Variants in TSPAN15 observed in about 807,000 individuals in gnomAD.
TSPAN15 encodes tetraspanin-15.
A neutral mutation model predicts 34.5 loss-of-function variants in TSPAN15; 20 were observed. The observed-to-expected ratio is 0.58, with a 90% CI of 0.41 to 0.84. The LOEUF (loss-of-function observed/expected upper bound fraction) is 0.84, where lower values mean the gene tolerates loss of function less well. Among genes scored for constraint, TSPAN15 ranks in the 40% least tolerant of loss-of-function variants. The pLI, the probability that TSPAN15 is intolerant of heterozygous loss-of-function variation, is 0.00. For synonymous variants in TSPAN15, 155 were observed against 153.9 expected, an observed-to-expected ratio of 1.01 and a Z score of -0.05; for missense variants, 313 against 386.1, an observed-to-expected ratio of 0.81 and a Z score of 1.59.
the TSPAN15 span, among the ~76,000 whole-genome samples, chr10:69,521,066 C>T: frequency 6.6e-6 from 1 of 152,040 alleles, no homozygotes; most frequent in African/African-American, 2.4e-5. Context: ...TGAGGGCTGC[C>T]CAGATAGCTG....
downstream of TSPAN15, among the ~76,000 whole-genome samples, chr10:69,509,975 A>G (rs1031998200): frequency 6.6e-6 from 1 of 152,190 alleles, no homozygotes. Context: ...TGTTTTGGTT[A>G]CTGTGGCCTT....
At chr10:69,492,166 G>A in intron 3 of TSPAN15, among the ~76,000 whole-genome samples, 1 of 152,170 alleles carries the variant, frequency 6.6e-6, no homozygotes, top group East Asian at 1.9e-4. Flanking sequence ...GGAATGGGGT[G>A]GGGGCAGTGG....
intron 1 of TSPAN15, among the ~76,000 whole-genome samples, chr10:69,469,013 G>A (rs1243984366): frequency 1.0e-5 from 1 of 98,524 alleles, no homozygotes; most frequent in Non-Finnish European, 2.2e-5. Context: ...GCCTTAGGAT[G>A]GGGCGAATCA....
intron 3 of TSPAN15, among the ~76,000 whole-genome samples, chr10:69,487,225 A>G (rs951415381): frequency 3.9e-5 from 6 of 152,204 alleles, no homozygotes; most frequent in Non-Finnish European, 7.3e-5. Context: ...TGACAGTCAG[A>G]CTGAAGTGGC....
chr10:69,477,352 C>T (rs1326142487), intron 1 of TSPAN15, among the ~76,000 whole-genome samples: 1 of 152,148 alleles, frequency 6.6e-6, no homozygotes, highest in African/African-American at 2.4e-5. Flanking sequence ...GCAGGCTGGT[C>T]TCGAACTCCC....
chr10:69,451,796 G>A (rs1270320394), intron 1 of TSPAN15, 106 bp downstream of exon 1: 5 of 859,042 alleles, frequency 5.8e-6, no homozygotes, highest in Non-Finnish European at 8.0e-6. Context: ...CAGGGAGTGC[G>A]CGGGTGAGCG....
intron 1 of TSPAN15, among the ~76,000 whole-genome samples, chr10:69,452,643 G>A (rs773782560): frequency 2.4e-4 from 36 of 152,220 alleles, no homozygotes; most frequent in South Asian, 2.1e-4. Context: ...GACACCTGTG[G>A]TGTAAGCTGC....
At chr10:69,525,123 G>T in the TSPAN15 span, among the ~76,000 whole-genome samples, 2 of 146,890 alleles carry the variant, frequency 1.4e-5, no homozygotes, top group African/African-American at 4.9e-5. Flanking sequence ...TAGCTCTGTT[G>T]TCCAGGCTGT....
chr10:69,471,484 G>T (rs1304251551), intron 1 of TSPAN15, among the ~76,000 whole-genome samples: 1 of 152,106 alleles, frequency 6.6e-6, no homozygotes, highest in Admixed American at 6.6e-5. Context: ...CAGTTTTTGT[G>T]TCTTTTGGGG....
Position 69,507,490 on chromosome 10 carries a change from G to A in TSPAN15, c.*512G>A, listed in dbSNP as rs1467038785. 1 of 1,304,422 alleles carries A rather than the reference G, an allele frequency of 7.7e-7. No homozygotes were observed. Among genetic ancestry groups the A allele is most frequent in the African/African-American group, 1.5e-5 (1 of 65,814 alleles). The allele number at this position is 1,304,422 out of a possible 1,614,324, so 80.8% of individuals were successfully genotyped here. ...CAGGTGCCTTGAGCCCTCTTGCAAG[G>A]GCGGCTGCTTCCTTGAGCCTAGTTT... On this transcript the variant is annotated 3_prime_UTR_variant, in exon 8 of 8. Coordinates refer to ENST00000373290, the MANE Select transcript of TSPAN15 (RefSeq NM_012339.5).
Position 69,478,602 on chromosome 10 carries a change from G to C in TSPAN15, c.97-5089G>C, listed in dbSNP as rs76363698. Among the ~76,000 whole-genome samples, 696 of 152,186 alleles carry C rather than the reference G, an allele frequency of 4.6e-3. 12 individuals carry two copies. The East Asian group carries it at 0.077, about 17-fold the overall frequency. On this transcript the variant is annotated intron_variant, in intron 1 of 7. Transcript: ENST00000373290. ...GATATTTGCTTCCTGTAGACCAGGG[G>C]TTCTTTTTTTGTGCCAGGGACCCTT...
rs569282504 is a variant in TSPAN15 at position 69,459,585 on chromosome 10, C to T, written c.96+7895C>T. On this transcript the variant is annotated intron_variant, in intron 1 of 7. Transcript: ENST00000373290. ...TGAGTTCAAAGTCCCTGAGGCAGGT[C>T]GCAAGCATGGCTACAGCAGATGAGG... 2.3e-4 allele frequency among the ~76,000 whole-genome samples: 35 copies of T among 152,180 alleles called. 2 individuals carry two copies. The highest frequency in any genetic ancestry group is 2.0e-3 in the Admixed American group (31 of 15,296).
chr10:69,548,985 A>G, the TSPAN15 span, among the ~76,000 whole-genome samples: 1 of 151,254 alleles, frequency 6.6e-6, no homozygotes, highest in South Asian at 2.1e-4. Context: ...GCTTAAAAAC[A>G]AGCTTTAAAA....
At chr10:69,513,101 T>G in the TSPAN15 span, among the ~76,000 whole-genome samples, 2,518 of 152,346 alleles carry the variant, frequency 0.017, 76 homozygotes, top group African/African-American at 0.057. Flanking sequence ...GCAGTTGGTA[T>G]GGCCAGTTTT....
intron 5 of TSPAN15, among the ~76,000 whole-genome samples, chr10:69,502,701 G>A (rs1350940798): frequency 6.6e-6 from 1 of 152,096 alleles, no homozygotes; most frequent in Non-Finnish European, 1.5e-5. Context: ...CCCTTGGTGA[G>A]GGGCTCTCCT....
At chr10:69,541,965 C>T in the TSPAN15 span, among the ~76,000 whole-genome samples, 190 of 152,332 alleles carry the variant, frequency 1.2e-3, 3 homozygotes, top group Non-Finnish European at 1.5e-3. Context: ...ACATTCGGTT[C>T]CTCGTTACTT....
the TSPAN15 span, among the ~76,000 whole-genome samples, chr10:69,540,393 C>T: frequency 6.6e-6 from 1 of 152,224 alleles, no homozygotes; most frequent in Admixed American, 6.5e-5. Flanking sequence ...CCATGCACAG[C>T]TTAAAATCCT....
chr10:69,507,289 AT>A lies in TSPAN15; in HGVS notation c.*314del. Reference sequence around the variant, plus strand: ...GAGCCTGAGGCTCTGCTCAGGGCCCATTTCATCTCTGGCAGTGCCTTGGCGG... The same window carrying A: ...GAGCCTGAGGCTCTGCTCAGGGCCCATTCATCTCTGGCAGTGCCTTGGCGG... On this transcript the variant is annotated 3_prime_UTR_variant, in exon 8 of 8. Coordinates refer to ENST00000373290, the MANE Select transcript of TSPAN15 (RefSeq NM_012339.5). 1 of 1,298,866 alleles carries A rather than the reference AT, an allele frequency of 7.7e-7. No homozygotes were observed. The highest frequency in any genetic ancestry group is 9.8e-7 in the Non-Finnish European group (1 of 1,016,476). The allele number at this position is 1,298,866 out of a possible 1,614,324, so 80.5% of individuals were successfully genotyped here.
chr10:69,539,446 AAGAAGAAGAAGAAGAAGG>A, the TSPAN15 span, among the ~76,000 whole-genome samples: 54 of 36,684 alleles, frequency 1.5e-3, no homozygotes, highest in South Asian at 0.039. Context: ...AAGAAGGAAG[AAGAAGAAGAAGAAGAAGG>A]AGAAGGAGAA....
Sources: allele counts gnomAD v4.1 joint callset (sites outside exome capture counted in the v4.1 genomes callset), GRCh38; gene constraint gnomAD v4.1.1; transcripts MANE v1.5; gene names NCBI Gene and HGNC (gene_info 2026-07-23, HGNC 2026-07-21).